The following COL13A1 variants were observed in gnomAD, a reference collection of about 807,000 sequenced individuals.
The protein encoded by COL13A1 is collagen alpha-1(XIII) chain.
COL13A1 carries 89 observed loss-of-function variants against 130.9 expected under a neutral mutation model. That is an observed-to-expected ratio of 0.68 (90% CI 0.57 to 0.81). COL13A1 has a LOEUF of 0.81. Ranked by LOEUF, COL13A1 falls within the 30% of genes least tolerant of loss-of-function variation. The pLI, the probability that COL13A1 is intolerant of heterozygous loss-of-function variation, is 0.00. For synonymous variants in COL13A1, 402 were observed against 341.6 expected (o/e 1.18, Z -1.95); for missense variants, 879 against 934.6 (o/e 0.94, Z 0.78).
chr10:69,823,405 AG>A (rs1423044044), intron 2 of COL13A1, among the ~76,000 whole-genome samples: 1 of 152,226 alleles, frequency 6.6e-6, no homozygotes, highest in African/African-American at 2.4e-5. Flanking sequence ...GCAGGAGACA[AG>A]GTATCACATT....
At chr10:69,938,902 C>T (rs2067274882) in intron 34 of COL13A1, among the ~76,000 whole-genome samples, 1 of 152,092 alleles carries the variant, frequency 6.6e-6, no homozygotes, top group Admixed American at 6.5e-5. Context: ...CCTTCCTGCC[C>T]CACTCAACCA....
intron 3 of COL13A1, 91 bp from the exon 4 acceptor site, chr10:69,872,093 T>G (rs1484040626): frequency 1.5e-5 from 23 of 1,486,600 alleles, no homozygotes; most frequent in Non-Finnish European, 2.1e-5. Flanking sequence ...CCAAGTGGCA[T>G]GCCAAGGTCA....
chr10:69,906,879 C>T (rs1488748377), intron 17 of COL13A1, among the ~76,000 whole-genome samples: 1 of 152,044 alleles, frequency 6.6e-6, no homozygotes, highest in Non-Finnish European at 1.5e-5. Flanking sequence ...TACAGGTGCA[C>T]ACCACCATGC....
rs1215667352 is a variant in COL13A1 at position 69,802,387 on chromosome 10, C to CTATT, written c.-24_-21dup. The CTATT allele has an allele frequency of 7.0e-6, 10 of 1,431,048 alleles. No individual in the cohort carries two copies. In the East Asian group the frequency reaches 1.7e-4, roughly 25 times the overall value. The allele number at this position is 1,431,048 out of a possible 1,614,324, so 88.6% of individuals were successfully genotyped here. On this transcript the variant is annotated 5_prime_UTR_variant, in exon 1 of 41. Transcript: ENST00000645393. Reference sequence around the variant, plus strand: ...GCAGCGGCTGTCGCCTTTATTTATTCTATTTATTTATTTATTGGTTCTCAA... The same window carrying CTATT: ...GCAGCGGCTGTCGCCTTTATTTATTCTATTTATTTATTTATTTATTGGTTCTCAA...
chr10:69,878,168 A>T (rs2059793509), intron 6 of COL13A1, 103 bp downstream of exon 6: 2 of 685,602 alleles, frequency 2.9e-6, no homozygotes, highest in East Asian at 5.4e-5. Context: ...GCCGCAGCAG[A>T]GGGTGCTGGC....
intron 17 of COL13A1, among the ~76,000 whole-genome samples, chr10:69,912,654 C>T (rs545859625): frequency 3.3e-4 from 49 of 150,326 alleles, no homozygotes; most frequent in Non-Finnish European, 5.6e-4. Context: ...TTGCTCAGGG[C>T]CTTCCAACCC....
chr10:69,872,753 C>T (rs1352395392), intron 4 of COL13A1, among the ~76,000 whole-genome samples: 1 of 152,218 alleles, frequency 6.6e-6, no homozygotes, highest in Non-Finnish European at 1.5e-5. Context: ...CCAGGTACTG[C>T]ATTTATCATG....
chr10:69,847,546 C>T (rs1050574151), intron 2 of COL13A1, among the ~76,000 whole-genome samples: 2 of 152,306 alleles, frequency 1.3e-5, no homozygotes, highest in Non-Finnish European at 1.5e-5. Context: ...CTCCTTGCCT[C>T]CAGGCTTATG....
At chr10:69,812,683 G>A (rs938113173) in intron 1 of COL13A1, among the ~76,000 whole-genome samples, 3 of 152,202 alleles carry the variant, frequency 2.0e-5, no homozygotes, top group African/African-American at 7.2e-5. Flanking sequence ...AGTGAGTGCT[G>A]GAGGAATTAA....
chr10:69,939,220 C>T (rs945009271), intron 34 of COL13A1, among the ~76,000 whole-genome samples: 7 of 152,170 alleles, frequency 4.6e-5, no homozygotes, highest in African/African-American at 4.8e-5. Context: ...CACTAGAGAC[C>T]GTGTATCCCT....
intron 2 of COL13A1, among the ~76,000 whole-genome samples, chr10:69,851,000 G>C: frequency 6.6e-6 from 1 of 152,152 alleles, no homozygotes; most frequent in Admixed American, 6.5e-5. Context: ...GGGGAATCTG[G>C]ATGGCACAGC....
At position 69,926,980 on chromosome 10, in the gene COL13A1, G is replaced by A. The variant is rs1015313158; in HGVS notation, c.1399-107G>A. 1.5e-5 allele frequency: 22 copies of A among 1,505,972 alleles called. No homozygotes were observed. The African/African-American group carries it at 2.6e-4, about 18-fold the overall frequency. The allele number at this position is 1,505,972 out of a possible 1,614,324, so 93.3% of individuals were successfully genotyped here. On this transcript the variant is annotated intron_variant, in intron 26 of 40. Transcript: ENST00000645393. ...CCTGCAAGCGTCTCCCTCCACCCAC[G>A]CTCCTTTGAGGGGCCTAGCTCCCAT...
At chr10:69,885,388 G>A (rs1398287969) in intron 7 of COL13A1, among the ~76,000 whole-genome samples, 7 of 152,228 alleles carry the variant, frequency 4.6e-5, no homozygotes, top group Admixed American at 4.6e-4. Flanking sequence ...TATTGGAAGA[G>A]ATGTCTAACC....
chr10:69,868,626 A>G (rs879707757), intron 3 of COL13A1, among the ~76,000 whole-genome samples: 1 of 152,100 alleles, frequency 6.6e-6, no homozygotes, highest in Non-Finnish European at 1.5e-5. Flanking sequence ...GCTGAAATCA[A>G]CCCTATCATC....
chr10:69,870,185 A>T lies in COL13A1; in HGVS notation c.373-1999A>T, dbSNP rs548720291. 2.2e-4 allele frequency among the ~76,000 whole-genome samples: 33 copies of T among 151,902 alleles called. No individual in the cohort carries two copies. The East Asian group carries it at 3.1e-3, about 14-fold the overall frequency. On this transcript the variant is annotated intron_variant, in intron 3 of 40. Coordinates refer to ENST00000645393, the MANE Select transcript of COL13A1 (RefSeq NM_001368882.1). ...GTATGTGTGTGTACTGTATATATAT[A>T]TTTTTTTTACTTAGGATATATTAAT... is the stretch of plus-strand genomic sequence containing the variant.
intron 2 of COL13A1, among the ~76,000 whole-genome samples, chr10:69,842,070 A>G (rs1343677714): frequency 2.6e-5 from 4 of 152,180 alleles, no homozygotes; most frequent in Non-Finnish European, 5.9e-5. Flanking sequence ...CTGTGTCCCC[A>G]CTCAAATCTC....
At chr10:69,832,760 C>A (rs896150294) in intron 2 of COL13A1, among the ~76,000 whole-genome samples, 3 of 152,148 alleles carry the variant, frequency 2.0e-5, no homozygotes, top group African/African-American at 7.2e-5. Flanking sequence ...AAAGACTCGC[C>A]CTCCTTCGCC....
chr10:69,880,944 C>T (rs2060078748), intron 7 of COL13A1, among the ~76,000 whole-genome samples: 1 of 152,232 alleles, frequency 6.6e-6, no homozygotes, highest in African/African-American at 2.4e-5. Flanking sequence ...AGTCCGGGTT[C>T]ACTGACCCAG....
At chr10:69,846,348 C>T (rs1257447528) in intron 2 of COL13A1, among the ~76,000 whole-genome samples, 1 of 152,038 alleles carries the variant, frequency 6.6e-6, no homozygotes, top group African/African-American at 2.4e-5. Flanking sequence ...ACTTTTCAGC[C>T]CAGCTGCTTG....
Sources: gnomAD v4.1 joint callset for allele counts (sites outside exome capture counted in the v4.1 genomes callset) on GRCh38, gnomAD v4.1.1 for gene constraint, MANE v1.5 for transcripts, NCBI Gene and HGNC (gene_info 2026-07-23, HGNC 2026-07-21) for gene names.